The following CD109 variants were observed in gnomAD, a reference collection of about 807,000 sequenced individuals.
The protein encoded by CD109 is CD109 molecule.
In CD109, 149 loss-of-function variants were observed where a neutral mutation model predicts 165.8. That is an observed-to-expected ratio of 0.90 (90% confidence interval 0.79 to 1.03). CD109 has a LOEUF of 1.03. Ranked by LOEUF, CD109 falls within the 50% of genes least tolerant of loss-of-function variation. The pLI, the probability that CD109 is intolerant of heterozygous loss-of-function variation, is 0.00. For synonymous variants in CD109, 585 were observed against 592.1 expected, an observed-to-expected ratio of 0.99 and a Z score of 0.18; for missense variants, 1,712 against 1,677.8, an observed-to-expected ratio of 1.02 and a Z score of -0.36.
chr6:73,792,619 C>T lies in CD109; in HGVS notation c.2702-7C>T, dbSNP rs754308259. 1.3e-5 allele frequency: 21 copies of T among 1,611,952 alleles called. No individual in the cohort carries two copies. Among genetic ancestry groups the T allele is most frequent in the Non-Finnish European group, 1.7e-5 (20 of 1,179,684 alleles). On this transcript the variant is annotated splice_polypyrimidine_tract_variant and splice_region_variant and intron_variant, in intron 22 of 32. Transcript: ENST00000287097. ...TACTGAATGAACTGCATGTCTTGTGCTTCCAGGAGATGTTCTTGGTCCTTC... is the reference window on the plus strand; with the variant it reads ...TACTGAATGAACTGCATGTCTTGTGTTTCCAGGAGATGTTCTTGGTCCTTC...
At chr6:73,713,723 A>G (rs1389503050) in intron 2 of CD109, among the ~76,000 whole-genome samples, 1 of 152,222 alleles carries the variant, frequency 6.6e-6, no homozygotes, top group African/African-American at 2.4e-5. Flanking sequence ...ATTAAAAACA[A>G]AAGACAAAAC....
chr6:73,714,714 A>G (rs1261426996), intron 2 of CD109, among the ~76,000 whole-genome samples: 2 of 152,202 alleles, frequency 1.3e-5, no homozygotes, highest in East Asian at 3.8e-4. Context: ...GACACAAAAT[A>G]TTTTAGAGTT....
At chr6:73,769,058 T>G (rs1393113778) in intron 14 of CD109, among the ~76,000 whole-genome samples, 1 of 152,184 alleles carries the variant, frequency 6.6e-6, no homozygotes, top group Non-Finnish European at 1.5e-5. Context: ...ACTGGCTAAT[T>G]TTTGTATTTT....
chr6:73,682,303 G>A, the CD109 span, among the ~76,000 whole-genome samples: 1 of 152,110 alleles, frequency 6.6e-6, no homozygotes, highest in East Asian at 1.9e-4. Context: ...ATTCCAAATT[G>A]GAGAAATTGG....
At position 73,798,141 on chromosome 6, in the gene CD109, G is replaced by C. The variant is rs190462424; in HGVS notation, c.2879-5079G>C. On this transcript the variant is annotated intron_variant, in intron 23 of 32. Coordinates refer to ENST00000287097, the MANE Select transcript of CD109 (RefSeq NM_133493.5). ...TTTTTTTTCTTTTTTTTGTGATGGA[G>C]TCTTGCTCTGTCATCCAGTCTGGAG... is the stretch of plus-strand genomic sequence containing the variant. 3.1e-4 allele frequency among the ~76,000 whole-genome samples: 46 copies of C among 148,834 alleles called. No individual in the cohort carries two copies. The East Asian group carries it at 8.5e-3, about 27-fold the overall frequency.
At chr6:73,723,136 G>A (rs1215617301) in intron 2 of CD109, 115 bp from the exon 3 acceptor site, 3 of 1,569,094 alleles carry the variant, frequency 1.9e-6, no homozygotes, top group Non-Finnish European at 1.7e-6. Flanking sequence ...TTCACCAAAT[G>A]TATTTATGAT....
Position 73,736,237 on chromosome 6 carries a change from C to T in CD109, c.508-146C>T, listed in dbSNP as rs1772539212. 3.0e-5 allele frequency: 22 copies of T among 741,052 alleles called. No homozygotes were observed. In the South Asian group the frequency reaches 4.5e-4, roughly 15 times the overall value. 45.9% of individuals were successfully genotyped at this position (741,052 alleles called of 1,614,324 possible). ...TGTCTCCTTCTTTCCATCCTCACAT[C>T]CTGCCATCCAGCCATATTTGTGCCG... On this transcript the variant is annotated intron_variant, in intron 4 of 32. Coordinates refer to ENST00000287097, the MANE Select transcript of CD109 (RefSeq NM_133493.5).
chr6:73,807,496 C>T (rs189399189), intron 25 of CD109, among the ~76,000 whole-genome samples: 122 of 152,074 alleles, frequency 8.0e-4, no homozygotes, highest in African/African-American at 2.8e-3. Flanking sequence ...CTGAGAACAC[C>T]CATACCCTGA....
chr6:73,733,739 A>G (rs563918317), intron 4 of CD109, among the ~76,000 whole-genome samples: 16 of 152,266 alleles, frequency 1.1e-4, no homozygotes, highest in Admixed American at 7.2e-4. Context: ...GTGGTGGCTA[A>G]CTCAGAACCT....
At chr6:73,778,006 G>A (rs886719720) in intron 15 of CD109, among the ~76,000 whole-genome samples, 4 of 152,166 alleles carry the variant, frequency 2.6e-5, no homozygotes, top group African/African-American at 9.7e-5. Flanking sequence ...GGGCAGTATG[G>A]CCATTTTAAC....
At chr6:73,704,266 C>T (rs929229205) in intron 2 of CD109, among the ~76,000 whole-genome samples, 6 of 152,072 alleles carry the variant, frequency 3.9e-5, no homozygotes, top group Admixed American at 2.6e-4. Flanking sequence ...AGAACAACTG[C>T]CCTTTGGTAT....
At chr6:73,802,866 CTT>C (rs1304376641) in intron 23 of CD109, among the ~76,000 whole-genome samples, 1 of 151,854 alleles carries the variant, frequency 6.6e-6, no homozygotes, top group East Asian at 1.9e-4. Context: ...TGCCCGGCTA[CTT>C]TTTGTATTTT....
Position 73,733,372 on chromosome 6 carries a change from T to C in CD109, c.507+2798T>C, listed in dbSNP as rs186217320. Among the ~76,000 whole-genome samples, 288 of 152,314 alleles carry C rather than the reference T, an allele frequency of 1.9e-3. 1 individual carries two copies. The highest frequency in any genetic ancestry group is 6.7e-3 in the African/African-American group (277 of 41,576). ...CTAAGATACTGACTGTCACAGCACC[T>C]TCAGGGTGTTCATTGTTGTTCTTGG... On this transcript the variant is annotated intron_variant, in intron 4 of 32. Coordinates refer to ENST00000287097, the MANE Select transcript of CD109 (RefSeq NM_133493.5).
intron 2 of CD109, among the ~76,000 whole-genome samples, chr6:73,704,871 T>C (rs1055689443): frequency 6.6e-5 from 10 of 152,164 alleles, no homozygotes; most frequent in Admixed American, 4.6e-4. Flanking sequence ...ATTTTTTGTA[T>C]AAAAAATACA....
At chr6:73,702,537 C>A (rs2150147124) in intron 2 of CD109, among the ~76,000 whole-genome samples, 1 of 152,312 alleles carries the variant, frequency 6.6e-6, no homozygotes, top group Non-Finnish European at 1.5e-5. Flanking sequence ...AGGGTGTAGG[C>A]TTTTCATTCA....
In CD109 at chr6:73,812,231, T is replaced by C. The variant is rs1346455181; in HGVS notation, c.3729T>C (p.Val1243=). Residue 1243 remains valine (V), a synonymous_variant, in exon 29 of 33, where the codon GTT becomes GTC. Coordinates refer to ENST00000287097, the MANE Select transcript of CD109 (RefSeq NM_133493.5). ...TTGCTGTGGTACAGCCAACGGCAGT[T>C]AATATTTCCGCAAATGGTTTTGGAT... The part of the protein sequence containing the change: ...AELAVVQPTA[V]NISANGFGFA... The C allele has an allele frequency of 2.5e-6, 4 of 1,610,178 alleles. No homozygotes were observed. Among genetic ancestry groups the C allele is most frequent in the African/African-American group, 2.7e-5 (2 of 74,946 alleles).
chr6:73,799,858 AT>A (rs567805191), intron 23 of CD109, among the ~76,000 whole-genome samples: 16,668 of 142,178 alleles, frequency 0.12, 1,148 homozygotes, highest in Non-Finnish European at 0.16. Flanking sequence ...TCCCCCCGCA[AT>A]TTTTTTTTTT....
At chr6:73,705,814 A>G (rs1771246923) in intron 2 of CD109, among the ~76,000 whole-genome samples, 1 of 152,226 alleles carries the variant, frequency 6.6e-6, no homozygotes, top group Admixed American at 6.5e-5. Flanking sequence ...ACGCTTAAGT[A>G]AATGGCTTTA....
intron 2 of CD109, among the ~76,000 whole-genome samples, chr6:73,716,555 T>C (rs1771752229): frequency 6.6e-6 from 1 of 152,250 alleles, no homozygotes; most frequent in African/African-American, 2.4e-5. Flanking sequence ...CCTTTTCATA[T>C]ACCTGTTTGC....
Sources: allele counts gnomAD v4.1 joint callset (sites outside exome capture counted in the v4.1 genomes callset), GRCh38; gene constraint gnomAD v4.1.1; transcripts MANE v1.5; gene names NCBI Gene and HGNC (gene_info 2026-07-23, HGNC 2026-07-21).